DCDC2C: variants seen among roughly 807,000 people sequenced by gnomAD.
DCDC2C encodes doublecortin domain-containing protein 2C.
A neutral mutation model predicts 45.0 loss-of-function variants in DCDC2C; 44 were observed. The ratio of observed to expected loss-of-function variants is 0.98; its 90% CI spans 0.77 to 1.26. The LOEUF is 1.26. Ranked by LOEUF, DCDC2C falls within the 50% of genes most tolerant of loss-of-function variation. The pLI, the probability that DCDC2C is intolerant of heterozygous loss-of-function variation, is 0.00. For missense variants in DCDC2C, 447 were observed against 468.9 expected, an observed-to-expected ratio of 0.95 and a Z score of 0.43; for synonymous variants, 187 against 178.8, an observed-to-expected ratio of 1.05 and a Z score of -0.37.
intron 3 of DCDC2C, among the ~76,000 whole-genome samples, chr2:3,732,578 A>T (rs997908457): frequency 9.9e-5 from 15 of 152,166 alleles, no homozygotes; most frequent in Non-Finnish European, 2.2e-4. Context: ...ACCAGATCTC[A>T]TACTTTCAAA....
chr2:3,834,857 A>G (rs1311252386), intron 10 of DCDC2C, among the ~76,000 whole-genome samples: 1 of 152,180 alleles, frequency 6.6e-6, no homozygotes, highest in East Asian at 1.9e-4. Flanking sequence ...GAAGGGAGGG[A>G]GCATCACATA....
chr2:3,764,544 G>A (rs866124755), intron 6 of DCDC2C, among the ~76,000 whole-genome samples: 1 of 152,198 alleles, frequency 6.6e-6, no homozygotes, highest in Non-Finnish European at 1.5e-5. Flanking sequence ...AAGGACAGGG[G>A]CACTGCTTTG....
At chr2:3,762,328 A>T (rs1481838418) in intron 6 of DCDC2C, among the ~76,000 whole-genome samples, 1 of 152,132 alleles carries the variant, frequency 6.6e-6, no homozygotes, top group African/African-American at 2.4e-5. Context: ...CTGTGGAACT[A>T]TTCATAACGT....
At chr2:3,793,271 T>G (rs1572622611) in intron 10 of DCDC2C, among the ~76,000 whole-genome samples, 1 of 152,234 alleles carries the variant, frequency 6.6e-6, no homozygotes, top group Non-Finnish European at 1.5e-5. Flanking sequence ...TTGGTAAATA[T>G]TGTAGGCACA....
chr2:3,762,757 G>A (rs527656961), intron 6 of DCDC2C, among the ~76,000 whole-genome samples: 13 of 152,136 alleles, frequency 8.5e-5, no homozygotes, highest in Non-Finnish European at 1.5e-4. Flanking sequence ...AGATTTGGGC[G>A]GGGGACAAAC....
intron 2 of DCDC2C, among the ~76,000 whole-genome samples, chr2:3,718,682 G>C (rs536326002): frequency 6.6e-6 from 1 of 152,174 alleles, no homozygotes; most frequent in Admixed American, 6.5e-5. Flanking sequence ...CCCTCACTGA[G>C]CATACACTCT....
At position 3,716,074 on chromosome 2, in the gene DCDC2C, T is replaced by C. The variant is rs548768264; in HGVS notation, c.339+7474T>C. Among the ~76,000 whole-genome samples, 7 of 152,274 alleles carry C rather than the reference T, an allele frequency of 4.6e-5. No individual in the cohort carries two copies. The East Asian group carries it at 1.4e-3, about 29-fold the overall frequency. On this transcript the variant is annotated intron_variant, in intron 2 of 10. Transcript: ENST00000399143. ...GTTGTTCAGGGAGTGACATGGACCTTGAGCAAGAGTGTTTGGGTGCCATGT... is the reference window on the plus strand; with the variant it reads ...GTTGTTCAGGGAGTGACATGGACCTCGAGCAAGAGTGTTTGGGTGCCATGT...
Position 3,737,661 on chromosome 2 carries a change from G to C in DCDC2C, c.417-4259G>C, listed in dbSNP as rs75087196. On this transcript the variant is annotated intron_variant, in intron 3 of 10. Coordinates refer to ENST00000399143, the MANE Select transcript of DCDC2C (RefSeq NM_001287444.2). ...AACCCCTTACCCTCTCAGAGGTCCA[G>C]ATTCTTCCTCTGTGTCACGGGGGAG... Among the ~76,000 whole-genome samples the C allele has an allele frequency of 2.9e-3, 445 of 152,158 alleles. 6 individuals are homozygous for C. The East Asian group carries it at 0.055, about 19-fold the overall frequency.
chr2:3,722,408 G>A (rs184624837), intron 2 of DCDC2C, among the ~76,000 whole-genome samples: 1 of 152,366 alleles, frequency 6.6e-6, no homozygotes, highest in Admixed American at 6.5e-5. Context: ...GCCTGGTTAT[G>A]TTGAGGGTTA....
In DCDC2C at chr2:3,733,004, C is replaced by T. The variant is rs576229041; in HGVS notation, c.416+5925C>T. Among the ~76,000 whole-genome samples the T allele has an allele frequency of 3.3e-5, 5 of 152,256 alleles. No individual in the cohort carries two copies. The East Asian group carries it at 7.7e-4, about 24-fold the overall frequency. The stretch of plus-strand genomic sequence containing the variant: ...ATTTTGCTAGTGAAATGTGATCTTT[C>T]ATTAGAAATTATAGAGAGGATACCC... On this transcript the variant is annotated intron_variant, in intron 3 of 10. Coordinates refer to ENST00000399143, the MANE Select transcript of DCDC2C (RefSeq NM_001287444.2).
At chr2:3,841,753 T>A (rs973195003) in intron 10 of DCDC2C, among the ~76,000 whole-genome samples, 1 of 141,388 alleles carries the variant, frequency 7.1e-6, no homozygotes, top group African/African-American at 2.5e-5. Context: ...CCTGTGGGAT[T>A]AGCAGAGAGT....
chr2:3,813,732 CTT>C lies in DCDC2C; in HGVS notation c.1065+28648_1065+28649del, dbSNP rs3067128. ...TCAGAGACTAGGATTGCAACCCCTG[CTT>C]TTTTTTTTTTTTTTTGCTTCCCATT... On this transcript the variant is annotated intron_variant, in intron 10 of 10. Coordinates refer to ENST00000399143, the MANE Select transcript of DCDC2C (RefSeq NM_001287444.2). Among the ~76,000 whole-genome samples the C allele has an allele frequency of 5.4e-3, 533 of 99,116 alleles. 4 individuals are homozygous for C. Among genetic ancestry groups the C allele is most frequent in the African/African-American group, 0.019 (449 of 24,006 alleles). The allele number at this position is 99,116 out of a possible 152,430, so 65.0% of individuals were successfully genotyped here. A position where few individuals can be genotyped will look rare whatever the true frequency, so the allele number is the denominator to read the frequency against.
intron 2 of DCDC2C, among the ~76,000 whole-genome samples, chr2:3,712,315 T>C (rs1431982339): frequency 6.6e-6 from 1 of 152,084 alleles, no homozygotes; most frequent in African/African-American, 2.4e-5. Context: ...TTTGCCTGCC[T>C]TGTGGCTTAT....
chr2:3,738,363 A>C (rs536400432), intron 3 of DCDC2C, among the ~76,000 whole-genome samples: 1 of 152,222 alleles, frequency 6.6e-6, no homozygotes, highest in African/African-American at 2.4e-5. Context: ...TATTACAGAT[A>C]ATTGTATGTG....
chr2:3,714,078 G>T (rs1323110343), intron 2 of DCDC2C, among the ~76,000 whole-genome samples: 2 of 152,146 alleles, frequency 1.3e-5, no homozygotes, highest in African/African-American at 4.8e-5. Context: ...CCTAGCTTCT[G>T]TAAATTATTC....
At position 3,767,741 on chromosome 2, in the gene DCDC2C, A is replaced by T. The variant is rs1239432033; in HGVS notation, c.727-13A>T. On this transcript the variant is annotated splice_polypyrimidine_tract_variant and intron_variant, in intron 6 of 10. Transcript: ENST00000399143. ...GTTCTTAATGGACTTTCTCTTCTTC[A>T]TTTGTCCTGTAGGTGGACTCCAAAG... The T allele has an allele frequency of 6.5e-7, 1 of 1,550,074 alleles. No individual in the cohort carries two copies. Among genetic ancestry groups the T allele is most frequent in the Non-Finnish European group, 8.7e-7 (1 of 1,146,782 alleles).
chr2:3,776,203 C>T (rs1001780830), intron 8 of DCDC2C, among the ~76,000 whole-genome samples: 3 of 152,152 alleles, frequency 2.0e-5, no homozygotes, highest in Admixed American at 6.5e-5. Context: ...CTCTCATGCC[C>T]GAGTCCTTCT....
chr2:3,784,582 A>C (rs1394909773), intron 9 of DCDC2C, among the ~76,000 whole-genome samples: 7 of 151,898 alleles, frequency 4.6e-5, no homozygotes, highest in Admixed American at 4.6e-4. Context: ...AAATATTAAT[A>C]TATTACAATA....
Position 3,703,651 on chromosome 2 carries a change from C to A in DCDC2C, c.-101C>A. On this transcript the variant is annotated 5_prime_UTR_variant, in exon 1 of 11. Coordinates refer to ENST00000399143, the MANE Select transcript of DCDC2C (RefSeq NM_001287444.2). The surrounding 1 kb of genome is among the most constrained non-coding windows in gnomAD (Gnocchi z 4.4). ...TCCTGCGCCAGCGGCTGGAGCGGAC[C>A]TCCCGTCGGCGGTGCCCGGGCCTGG... 8.9e-7 allele frequency: 1 copy of A among 1,129,692 alleles called. No homozygotes were observed. Among genetic ancestry groups the A allele is most frequent in the Non-Finnish European group, 1.1e-6 (1 of 901,628 alleles). The allele number at this position is 1,129,692 out of a possible 1,614,324, so 70.0% of individuals were successfully genotyped here. A position where few individuals can be genotyped will look rare whatever the true frequency, so the allele number is the denominator to read the frequency against.
Sources: gnomAD v4.1 joint callset for allele counts (sites outside exome capture counted in the v4.1 genomes callset) on GRCh38, gnomAD v4.1.1 for gene constraint, Gnocchi (gnomAD v3.1) non-coding constraint, MANE v1.5 for transcripts, NCBI Gene and HGNC (gene_info 2026-07-23, HGNC 2026-07-21) for gene names.